SRSF11: variants seen among roughly 807,000 people sequenced by gnomAD.
SRSF11 encodes serine and arginine rich splicing factor 11, also known as serine/arginine-rich splicing factor 11.
SRSF11 carries 9 observed loss-of-function variants against 56.0 expected under a neutral mutation model. The ratio of observed to expected loss-of-function variants is 0.16; its 90% CI spans 0.10 to 0.28. SRSF11 has a LOEUF of 0.28. Ranked by LOEUF, SRSF11 falls within the 10% of genes least tolerant of loss-of-function variation. The pLI, the probability that SRSF11 is intolerant of heterozygous loss-of-function variation, is 1.00. For missense variants in SRSF11, 421 were observed against 600.7 expected (o/e 0.70, Z 3.13); for synonymous variants, 222 against 215.3 (o/e 1.03, Z -0.27).
chr1:70,220,873 T>C (rs1670477582), upstream of SRSF11: 1 of 152,126 alleles, frequency 6.6e-6, no homozygotes, highest in Admixed American at 6.5e-5. Context: ...CCATTGTGAA[T>C]GAATGTACAA....
At chr1:70,218,762 T>G (rs1220594507), upstream of SRSF11, 1 of 152,238 alleles carries the variant, frequency 6.6e-6, no homozygotes, top group Non-Finnish European at 1.5e-5. Context: ...ATATGTCTGA[T>G]TCAAAATGAG....
intron 7 of SRSF11, among the ~76,000 whole-genome samples, chr1:70,242,335 G>T (rs1675637613): frequency 6.6e-6 from 1 of 151,476 alleles, no homozygotes; most frequent in Non-Finnish European, 1.5e-5. Flanking sequence ...CATTGTTGTG[G>T]GTTGTGGTAA....
rs1239518092 is a variant in SRSF11, at chr1:70,244,778, G to C, written c.895G>C (p.Glu299Gln). The C allele has an allele frequency of 6.2e-7, 1 of 1,614,182 alleles. No homozygotes were observed. Among genetic ancestry groups the C allele is most frequent in the Admixed American group, 1.7e-5 (1 of 60,018 alleles). The change falls in exon 8 of 12, where the codon GAA becomes CAA. Residue 299 changes from glutamate (E) to glutamine (Q), a missense_variant. Glu to Gln is a conservative substitution (Grantham distance 29, BLOSUM62 2). Coordinates refer to ENST00000370949, the MANE Select transcript of SRSF11 (RefSeq NM_001350605.2). ...AAGGCGGAGAAGATCTCATTCCAGA[G>C]AAAGAGGTAGAAGGTCAAGGAGCAC... ...SPRRRRSHSRERGRRSRSTSK... is the reference protein window; with the variant it reads ...SPRRRRSHSRQRGRRSRSTSK...
intron 1 of SRSF11, among the ~76,000 whole-genome samples, chr1:70,225,673 G>A (rs921339632): frequency 6.6e-6 from 1 of 152,086 alleles, no homozygotes; most frequent in African/African-American, 2.4e-5. Context: ...CTGTAGTCTA[G>A]AAGATTCTGA....
At chr1:70,207,111 C>G (rs879243911) in intron 1 of SRSF11, among the ~76,000 whole-genome samples, 6 of 151,846 alleles carry the variant, frequency 4.0e-5, no homozygotes, top group Non-Finnish European at 8.8e-5. Flanking sequence ...AGGCTGGTCT[C>G]GAACTCCCAG....
chr1:70,212,161 A>G (rs1040265909), intron 1 of SRSF11, among the ~76,000 whole-genome samples: 3 of 152,168 alleles, frequency 2.0e-5, no homozygotes, highest in Non-Finnish European at 4.4e-5. Context: ...TAAAGTTGTG[A>G]GTAGTATTTT....
At chr1:70,245,166 G>GCC (rs1281307245) in intron 8 of SRSF11, among the ~76,000 whole-genome samples, 1 of 152,042 alleles carries the variant, frequency 6.6e-6, no homozygotes, top group Non-Finnish European at 1.5e-5. Context: ...AAATTAGTAT[G>GCC]CCCCCAGTCA....
At chr1:70,237,735 A>C (rs907832009) in intron 6 of SRSF11, among the ~76,000 whole-genome samples, 183 bp downstream of exon 6, 2 of 152,256 alleles carry the variant, frequency 1.3e-5, no homozygotes, top group South Asian at 4.1e-4. Context: ...AGGAGTACCA[A>C]CTGCATCTAG....
chr1:70,221,649 A>C lies in SRSF11; in HGVS notation c.13A>C (p.Thr5Pro), dbSNP rs1670644996. The C allele has an allele frequency of 1.2e-6, 2 of 1,611,116 alleles. No individual in the cohort carries two copies. Among genetic ancestry groups the C allele is most frequent in the Admixed American group, 3.4e-5 (2 of 59,526 alleles). ...CCCGAGCAGCGCCATGAGCAACACT[A>C]CCGTCGTCCCCAGCACTGCAGGTCC... MSNT[T>P]VVPSTAGPGP... The change falls in exon 1 of 12, where the codon ACC becomes CCC. Residue 5 changes from threonine (T) to proline (P), a missense_variant. Physicochemically the swap from Thr to Pro is conservative, Grantham distance 38 (BLOSUM62 -1). Around this residue, in one of 2 missense-constraint regions of SRSF11, gnomAD observed 168 missense variants for 294.9 expected, o/e 0.57. Coordinates refer to ENST00000370949, the MANE Select transcript of SRSF11 (RefSeq NM_001350605.2).
chr1:70,225,413 A>T (rs1392382908), intron 1 of SRSF11, among the ~76,000 whole-genome samples: 1 of 152,164 alleles, frequency 6.6e-6, no homozygotes, highest in East Asian at 1.9e-4. Context: ...GTCAGCAGTC[A>T]AGTTTTCAGG....
chr1:70,250,874 C>T lies in SRSF11; in HGVS notation c.*69C>T. 12 of 1,405,146 alleles carry T rather than the reference C, an allele frequency of 8.5e-6. 1 individual carries two copies. Among genetic ancestry groups the T allele is most frequent in the Non-Finnish European group, 1.0e-5 (10 of 998,844 alleles). 87.0% of individuals were successfully genotyped at this position (1,405,146 alleles called of 1,614,324 possible). On this transcript the variant is annotated 3_prime_UTR_variant, in exon 12 of 12. Transcript: ENST00000370949. ...CATTCCTTTGTGTGATTTCTTAATG[C>T]TGTATTTGTTCATCTCAAACCTAGA...
At chr1:70,236,927 A>T (rs1674228993) in intron 5 of SRSF11, among the ~76,000 whole-genome samples, 1 of 147,120 alleles carries the variant, frequency 6.8e-6, no homozygotes, top group Non-Finnish European at 1.5e-5. Flanking sequence ...AGCTGGGACT[A>T]CAGGCGCCTG....
chr1:70,230,416 A>T, intron 2 of SRSF11: 1 of 1,158,554 alleles, frequency 8.6e-7, no homozygotes, highest in Non-Finnish European at 1.1e-6. Flanking sequence ...GGTAAGGAAT[A>T]GTCTTAATTG....
intron 7 of SRSF11, among the ~76,000 whole-genome samples, chr1:70,242,486 TAGAGACAGGG>T (rs1553233374): frequency 4.0e-5 from 6 of 151,276 alleles, no homozygotes; most frequent in South Asian, 2.1e-4. Flanking sequence ...TTTTTTTATG[TAGAGACAGGG>T]TTTTGCCATG....
intron 7 of SRSF11, among the ~76,000 whole-genome samples, chr1:70,241,908 G>A (rs577345222): frequency 2.8e-4 from 43 of 152,026 alleles, no homozygotes; most frequent in Non-Finnish European, 4.6e-4. Context: ...GGTGGCTCAC[G>A]CCTGTAGTCC....
chr1:70,235,386 TATGTTTC>T (rs1673745208), intron 4 of SRSF11, 108 bp from the exon 5 acceptor site: 2 of 838,494 alleles, frequency 2.4e-6, no homozygotes, highest in Non-Finnish European at 3.7e-6. Context: ...CTAAAAAATT[TATGTTTC>T]ATGGCATGTA....
At chr1:70,230,531 TC>T in intron 2 of SRSF11, 1 of 1,260,028 alleles carries the variant, frequency 7.9e-7, no homozygotes, top group Non-Finnish European at 1.0e-6. Context: ...TGTTTCTTTT[TC>T]TTTCATTTCT....
At chr1:70,236,681 C>A (rs375422562) in intron 5 of SRSF11, among the ~76,000 whole-genome samples, 2 of 151,698 alleles carry the variant, frequency 1.3e-5, no homozygotes, top group Admixed American at 1.3e-4. Context: ...TTTAGCCTTT[C>A]CACTCAAGAC....
At chr1:70,241,655 TTA>T (rs1675431708) in intron 7 of SRSF11, among the ~76,000 whole-genome samples, 1 of 152,200 alleles carries the variant, frequency 6.6e-6, no homozygotes, top group African/African-American at 2.4e-5. Context: ...ACCATTTTCT[TTA>T]TGTCTTCATG....
Sources: gnomAD v4.1 joint callset for allele counts (sites outside exome capture counted in the v4.1 genomes callset) on GRCh38, gnomAD v4.1.1 for gene constraint, gnomAD v4.1.1 regional missense constraint, MANE v1.5 for transcripts, NCBI Gene and HGNC (gene_info 2026-07-23, HGNC 2026-07-21) for gene names.